The following CEACAM20 variants were observed in gnomAD, a reference collection of about 807,000 sequenced individuals.
CEACAM20 encodes cell adhesion molecule CEACAM20.
In CEACAM20, 50 loss-of-function variants were observed where a neutral mutation model predicts 61.2. The observed-to-expected ratio is 0.82, with a 90% CI of 0.65 to 1.03. The LOEUF (loss-of-function observed/expected upper bound fraction) is 1.03. CEACAM20 is among the 50% of genes least tolerant of loss of function. The pLI is 0.00. For missense variants in CEACAM20, 683 were observed against 736.4 expected (o/e 0.93, Z 0.84); for synonymous variants, 282 against 287.7 (o/e 0.98, Z 0.20).
intron 6 of CEACAM20, 132 bp from the exon 7 acceptor site, chr19:44,513,421 C>T: frequency 2.0e-6 from 1 of 508,110 alleles, no homozygotes; most frequent in Non-Finnish European, 3.5e-6. Flanking sequence ...TGGGAGGTAT[C>T]AGATTGTGGT....
intron 7 of CEACAM20, 26 bp downstream of exon 7, chr19:44,513,146 T>C (rs1344277022): frequency 1.9e-6 from 3 of 1,545,312 alleles, no homozygotes; most frequent in Admixed American, 3.4e-5. Context: ...CCCATCCCCA[T>C]CCCCCTCCCT....
At position 44,523,055 on chromosome 19, in the gene CEACAM20, A is replaced by T. The variant is rs920238317; in HGVS notation, c.473-143T>A. The stretch of plus-strand genomic sequence containing the variant: ...CAATTGCAAACGAGGTACAGCAGTC[A>T]GATGGAGATGAAATGTCAGCCTCAT... On this transcript the variant is annotated intron_variant, in intron 3 of 11. Coordinates refer to ENST00000614924, the MANE Select transcript of CEACAM20 (RefSeq NM_001102597.3). The T allele has an allele frequency of 1.1e-5, 8 of 716,184 alleles. No homozygotes were observed. The African/African-American group carries it at 1.4e-4, about 13-fold the overall frequency. 44.4% of individuals were successfully genotyped at this position (716,184 alleles called of 1,614,324 possible).
rs78542675 is a variant in CEACAM20 at position 44,529,542 on chromosome 19, C to T, written c.-33G>A. The T allele has an allele frequency of 2.4e-3, 3,937 of 1,610,250 alleles. 77 individuals are homozygous for T. The East Asian group carries it at 0.049, about 20-fold the overall frequency. Reference sequence around the variant, plus strand: ...GGCACCTGACTTCAGTGTGCCAGGCCGTCTGTCGCCCCGGCTTGCACACAC... The same window carrying T: ...GGCACCTGACTTCAGTGTGCCAGGCTGTCTGTCGCCCCGGCTTGCACACAC... On this transcript the variant is annotated 5_prime_UTR_variant, in exon 1 of 12. Coordinates refer to ENST00000614924, the MANE Select transcript of CEACAM20 (RefSeq NM_001102597.3).
At chr19:44,518,291 A>G (rs1971256128) in intron 5 of CEACAM20, among the ~76,000 whole-genome samples, 1 of 152,112 alleles carries the variant, frequency 6.6e-6, no homozygotes, top group Non-Finnish European at 1.5e-5. Flanking sequence ...CGTCCTGTGT[A>G]TATAATCCCT....
Position 44,522,653 on chromosome 19 carries a change from A to C in CEACAM20, c.732T>G (p.Thr244=), listed in dbSNP as rs1385667923. The change falls in exon 4 of 12, where the codon ACT becomes ACG. Residue 244 remains threonine (T), a synonymous_variant. Transcript: ENST00000614924. ...ACTCACCAAGTACTCGGACCTTCAG[A>C]GTACCCAGGCTGGACAGGTGGGTGG... ...NSATHLSSLG[T]LKVRVLETLT... is the part of the protein sequence containing the mutation. 1.9e-6 allele frequency: 3 copies of C among 1,613,324 alleles called. No homozygotes were observed. The highest frequency in any genetic ancestry group is 2.5e-6 in the Non-Finnish European group (3 of 1,179,620).
chr19:44,525,012 G>A (rs1011315810), intron 2 of CEACAM20, 89 bp downstream of exon 2: 188 of 1,527,198 alleles, frequency 1.2e-4, no homozygotes, highest in Non-Finnish European at 1.5e-4. Context: ...AATCAGATTC[G>A]TCCTCTGGGG....
chr19:44,520,465 G>A lies in CEACAM20; in HGVS notation c.1030+9C>T, dbSNP rs1322613693. ...GAGATGGGGAAGGTCCAGGCCCTGG[G>A]TGACTCACAGTTGATGGTCAGCTCA... is the stretch of plus-strand genomic sequence containing the variant. On this transcript the variant is annotated intron_variant, in intron 5 of 11. Transcript: ENST00000614924. The A allele has an allele frequency of 1.9e-6, 3 of 1,610,058 alleles. No individual in the cohort carries two copies. The highest frequency in any genetic ancestry group is 2.5e-6 in the Non-Finnish European group (3 of 1,178,042).
At chr19:44,526,393 C>T (rs933553538) in intron 1 of CEACAM20, among the ~76,000 whole-genome samples, 2 of 151,850 alleles carry the variant, frequency 1.3e-5, no homozygotes, top group African/African-American at 4.8e-5. Flanking sequence ...ATCTGTAGTC[C>T]CAGCTACAGT....
chr19:44,528,240 CTTTT>C (rs995571795), intron 1 of CEACAM20, among the ~76,000 whole-genome samples: 1 of 122,466 alleles, frequency 8.2e-6, no homozygotes, highest in African/African-American at 3.3e-5. Context: ...TCTTCTTTTT[CTTTT>C]TTTTGACAGA....
At chr19:44,520,424 G>A (rs1236672673) in intron 5 of CEACAM20, 50 bp downstream of exon 5, 3 of 1,583,708 alleles carry the variant, frequency 1.9e-6, no homozygotes, top group African/African-American at 1.3e-5. Flanking sequence ...AACTTAAAGA[G>A]AAGGAGGGAA....
chr19:44,511,021 T>C lies in CEACAM20; in HGVS notation c.1737+9A>G, dbSNP rs1466022156. The C allele has an allele frequency of 1.2e-6, 2 of 1,613,748 alleles. No individual in the cohort carries two copies. The highest frequency in any genetic ancestry group is 2.7e-5 in the African/African-American group (2 of 74,920). Reference sequence around the variant, plus strand: ...ACCTGTCCAAAGACTCAGTGTGGCATAAACATACCTCATAGATTGACTCCA... The same window carrying C: ...ACCTGTCCAAAGACTCAGTGTGGCACAAACATACCTCATAGATTGACTCCA... On this transcript the variant is annotated intron_variant, in intron 11 of 11. Coordinates refer to ENST00000614924, the MANE Select transcript of CEACAM20 (RefSeq NM_001102597.3).
At chr19:44,506,301 G>C in intron 11 of CEACAM20, 87 bp from the exon 12 acceptor site, 1 of 1,177,710 alleles carries the variant, frequency 8.5e-7, no homozygotes, top group Non-Finnish European at 1.2e-6. Context: ...AAACAGCCTG[G>C]AGCTTTCCTT....
rs754060965 is a variant in CEACAM20, at chr19:44,510,986, A to G, written c.1737+44T>C. On this transcript the variant is annotated intron_variant, in intron 11 of 11. Transcript: ENST00000614924. ...GTAGGGAAGAAAAAGCAGATTGGTGACAGATTTCCACCTGTCCAAAGACTC... is the reference window on the plus strand; with the variant it reads ...GTAGGGAAGAAAAAGCAGATTGGTGGCAGATTTCCACCTGTCCAAAGACTC... 6 of 1,611,180 alleles carry G rather than the reference A, an allele frequency of 3.7e-6. No homozygotes were observed. In the Admixed American group the frequency reaches 1.0e-4, roughly 27 times the overall value.
rs1971332260 is a variant in CEACAM20, at chr19:44,520,671, G to A, written c.833C>T (p.Thr278Ile). ...NARSVDLTCQ[T>I]VNQSVNVQWF... ...CTGGACATTCACACTCTGATTGACGGTTTGGCAGGTCAGGTCCACAGACCT... is the reference window on the plus strand; with the variant it reads ...CTGGACATTCACACTCTGATTGACGATTTGGCAGGTCAGGTCCACAGACCT... The change falls in exon 5 of 12, where the codon ACC becomes ATC. Residue 278 changes from threonine (T) to isoleucine (I), a missense_variant. Thr to Ile is a moderately conservative substitution (Grantham distance 89). Transcript: ENST00000614924. 7 of 1,613,918 alleles carry A rather than the reference G, an allele frequency of 4.3e-6. No individual in the cohort carries two copies. The highest frequency in any genetic ancestry group is 5.9e-6 in the Non-Finnish European group (7 of 1,179,904).
chr19:44,529,523 T>C lies in CEACAM20; in HGVS notation c.-14A>G. 1 of 1,613,502 alleles carries C rather than the reference T, an allele frequency of 6.2e-7. No individual in the cohort carries two copies. Among genetic ancestry groups the C allele is most frequent in the Non-Finnish European group, 8.5e-7 (1 of 1,179,516 alleles). On this transcript the variant is annotated 5_prime_UTR_variant, in exon 1 of 12. Transcript: ENST00000614924. ...AGCAGGCCCCATGGGTCCCGGCACC[T>C]GACTTCAGTGTGCCAGGCCGTCTGT...
intron 9 of CEACAM20, 54 bp downstream of exon 9, chr19:44,511,963 C>G (rs1971013189): frequency 6.6e-7 from 1 of 1,513,682 alleles, no homozygotes; most frequent in African/African-American, 1.4e-5. Context: ...AGAAGTAAGA[C>G]TATAGCAGCC....
At chr19:44,520,869 T>G in intron 4 of CEACAM20, 117 bp from the exon 5 acceptor site, 1 of 872,626 alleles carries the variant, frequency 1.1e-6, no homozygotes, top group Non-Finnish European at 1.7e-6. Flanking sequence ...TGTGTGTGTG[T>G]TACAGGTGGT....
At chr19:44,520,393 G>T in intron 5 of CEACAM20, 81 bp downstream of exon 5, 1 of 1,524,424 alleles carries the variant, frequency 6.6e-7, no homozygotes, top group African/African-American at 1.4e-5. Flanking sequence ...AATAATCATA[G>T]CATGAATGAC....
Position 44,516,934 on chromosome 19 carries a change from T to C in CEACAM20, c.1309+12A>G, listed in dbSNP as rs757122627. ...CTCGGGTCCTGGGAGAAGGCGACCC[T>C]GAGAGACTCACCTACCACCTTGACC... On this transcript the variant is annotated intron_variant, in intron 6 of 11. Transcript: ENST00000614924. 13 of 1,588,728 alleles carry C rather than the reference T, an allele frequency of 8.2e-6. No individual in the cohort carries two copies. The highest frequency in any genetic ancestry group is 6.9e-5 in the East Asian group (3 of 43,696).
Sources: gnomAD v4.1 joint callset for allele counts (sites outside exome capture counted in the v4.1 genomes callset) on GRCh38, gnomAD v4.1.1 for gene constraint, MANE v1.5 for transcripts, NCBI Gene and HGNC (gene_info 2026-07-23, HGNC 2026-07-21) for gene names.